Variants in ZNF395 observed in about 807,000 individuals in gnomAD.
ZNF395 encodes the protein zinc finger protein 395.
A neutral mutation model predicts 57.7 loss-of-function variants in ZNF395; 20 were observed. The observed-to-expected ratio is 0.35, with a 90% CI of 0.24 to 0.50. The LOEUF is 0.50. Ranked by LOEUF, ZNF395 falls within the 20% of genes least tolerant of loss-of-function variation. The pLI is 0.97. For synonymous variants in ZNF395, 295 were observed against 275.9 expected (o/e 1.07, Z -0.69); for missense variants, 606 against 671.2 (o/e 0.90, Z 1.07).
intron 1 of ZNF395, among the ~76,000 whole-genome samples, chr8:28,370,899 C>G (rs1298386839): frequency 6.6e-6 from 1 of 152,156 alleles, no homozygotes; most frequent in East Asian, 1.9e-4. Flanking sequence ...TAACAGGAAC[C>G]CTTATATGTA....
chr8:28,379,450 A>G (rs1453441383), intron 1 of ZNF395, among the ~76,000 whole-genome samples: 1 of 152,224 alleles, frequency 6.6e-6, no homozygotes, highest in African/African-American at 2.4e-5. Flanking sequence ...GGATCGCTTC[A>G]GCCCAGGAGT....
intron 1 of ZNF395, among the ~76,000 whole-genome samples, chr8:28,380,153 G>GT (rs562616691): frequency 5.3e-4 from 80 of 151,544 alleles, no homozygotes; most frequent in African/African-American, 1.9e-3. Context: ...TTTTACTAGA[G>GT]TTTAAAAAAA....
At chr8:28,371,756 C>T (rs1229324999) in intron 1 of ZNF395, among the ~76,000 whole-genome samples, 1 of 152,180 alleles carries the variant, frequency 6.6e-6, no homozygotes, top group Non-Finnish European at 1.5e-5. Context: ...CTGCCTTAAG[C>T]TCAGACTTCC....
At position 28,356,606 on chromosome 8, in the gene ZNF395, C is replaced by T; in HGVS notation, c.583+64G>A. ...GTGACATAGGCAACTAGCTGCTCTGCACAGAGGATGTTTGTCGTGGGCCTC... is the reference window on the plus strand; with the variant it reads ...GTGACATAGGCAACTAGCTGCTCTGTACAGAGGATGTTTGTCGTGGGCCTC... On this transcript the variant is annotated intron_variant, in intron 4 of 9. Transcript: ENST00000344423. This position sits in a 1 kb window ranked among gnomAD's most constrained non-coding sequence, Gnocchi z 4.0. 2 of 1,290,594 alleles carry T rather than the reference C, an allele frequency of 1.5e-6. No homozygotes were observed. The highest frequency in any genetic ancestry group is 2.2e-6 in the Non-Finnish European group (2 of 901,562). The allele number at this position is 1,290,594 out of a possible 1,614,324, so 79.9% of individuals were successfully genotyped here. A position where few individuals can be genotyped will look rare whatever the true frequency, so the allele number is the denominator to read the frequency against.
intron 1 of ZNF395, among the ~76,000 whole-genome samples, chr8:28,365,163 C>T (rs990730979): frequency 2.0e-5 from 3 of 152,220 alleles, no homozygotes; most frequent in African/African-American, 7.2e-5. Flanking sequence ...TCAGCACACT[C>T]ATGACATTTA....
intron 1 of ZNF395, among the ~76,000 whole-genome samples, chr8:28,364,877 C>G (rs1020826011): frequency 1.3e-5 from 2 of 152,194 alleles, no homozygotes; most frequent in South Asian, 4.1e-4. Context: ...GGCCTCTTAC[C>G]TACAGGATAA....
chr8:28,376,714 T>G (rs554274858), intron 1 of ZNF395, among the ~76,000 whole-genome samples: 1 of 152,094 alleles, frequency 6.6e-6, no homozygotes, highest in Non-Finnish European at 1.5e-5. Context: ...ACAAGCACAG[T>G]TGATGTGACA....
intron 1 of ZNF395, chr8:28,368,580 T>C (rs116974061): frequency 0.013 from 1,950 of 149,016 alleles, 12 homozygotes; most frequent in Non-Finnish European, 0.019. Flanking sequence ...GGAGGGTGAG[T>C]TGGGGGGATC....
At chr8:28,351,828 G>C in intron 6 of ZNF395, 21 bp from the exon 7 acceptor site, 1 of 1,526,492 alleles carries the variant, frequency 6.6e-7, no homozygotes, top group South Asian at 1.2e-5. Flanking sequence ...GGGAGATGCG[G>C]TATAATCAGG....
intron 1 of ZNF395, among the ~76,000 whole-genome samples, chr8:28,378,539 C>A (rs1023463261): frequency 2.6e-5 from 4 of 152,188 alleles, no homozygotes; most frequent in Non-Finnish European, 5.9e-5. Context: ...ATGCACCTCA[C>A]CTGTTTTTTG....
At chr8:28,366,098 GTTTAT>G (rs1239806372) in intron 1 of ZNF395, among the ~76,000 whole-genome samples, 2 of 152,180 alleles carry the variant, frequency 1.3e-5, no homozygotes, top group Non-Finnish European at 1.5e-5. Context: ...AACTCGTGGG[GTTTAT>G]TTTAACTTAA....
chr8:28,350,461 C>T (rs1215367849), intron 7 of ZNF395, among the ~76,000 whole-genome samples: 3 of 152,234 alleles, frequency 2.0e-5, no homozygotes, highest in Non-Finnish European at 2.9e-5. Flanking sequence ...GGATCACCTA[C>T]CAAGAACATG....
At chr8:28,384,697 T>A (rs1802150414) in intron 1 of ZNF395, among the ~76,000 whole-genome samples, 1 of 152,190 alleles carries the variant, frequency 6.6e-6, no homozygotes, top group Non-Finnish European at 1.5e-5. Flanking sequence ...ACGGGTGAGT[T>A]ACTCTCCACA....
rs1801726928 is a variant in ZNF395, at chr8:28,352,375, T to C, written c.920+198A>G. 6.6e-6 allele frequency among the ~76,000 whole-genome samples: 1 copy of C among 152,206 alleles called. No individual in the cohort carries two copies. The highest frequency in any genetic ancestry group is 1.5e-5 in the Non-Finnish European group (1 of 68,026). On this transcript the variant is annotated intron_variant, in intron 6 of 9. Transcript: ENST00000344423. This position sits in a 1 kb window ranked among gnomAD's most constrained non-coding sequence, Gnocchi z 4.0. ...GAGGCAAGAAGACACATCCCCAAGA[T>C]GGACAGAGCTCCCTTCCCATCAACA...
chr8:28,373,176 G>A (rs1585862690), intron 1 of ZNF395, among the ~76,000 whole-genome samples: 1 of 152,288 alleles, frequency 6.6e-6, no homozygotes, highest in Admixed American at 6.5e-5. Context: ...GTAAAATCGT[G>A]AAGGCTGCAA....
Position 28,351,505 on chromosome 8 carries a change from T to A in ZNF395, c.1223A>T (p.His408Leu). 6.2e-7 allele frequency: 1 copy of A among 1,603,328 alleles called. No individual in the cohort carries two copies. Among genetic ancestry groups the A allele is most frequent in the Non-Finnish European group, 8.5e-7 (1 of 1,171,944 alleles). ...AGCCCCGCCCCATACCTGGTATGCA[T>A]GATCTGCCTGAATGTGCCAGAAGGA... ...PGSFWHIQAD[H>L]AYQALPSFQI... is the part of the protein sequence containing the mutation. The change falls in exon 7 of 10, where the codon CAT becomes CTT. Residue 408 changes from histidine to leucine, a missense_variant. This residue lies in a region of ZNF395 where 261 missense variants were observed against 240.3 expected (regional missense o/e 1.09). Transcript: ENST00000344423.
chr8:28,360,183 T>C (rs1208541296), intron 2 of ZNF395, among the ~76,000 whole-genome samples: 1 of 152,238 alleles, frequency 6.6e-6, no homozygotes, highest in Non-Finnish European at 1.5e-5. Context: ...CTCATTATCC[T>C]GCACTCAAAG....
intron 1 of ZNF395, among the ~76,000 whole-genome samples, chr8:28,377,517 C>G (rs1389144928): frequency 1.3e-5 from 2 of 152,146 alleles, no homozygotes; most frequent in Non-Finnish European, 2.9e-5. Flanking sequence ...CCTGTATTCT[C>G]TTTATCGCTA....
At position 28,348,666 on chromosome 8, in the gene ZNF395, CTT is replaced by C. The variant is rs1801637997; in HGVS notation, c.*51_*52del. ...CTGAGGGCTGGTGACACACTGGCCT[CTT>C]GTCAGTGGCTGCCGGCAGGGCCAGG... is the stretch of plus-strand genomic sequence containing the variant. On this transcript the variant is annotated 3_prime_UTR_variant, in exon 10 of 10. Transcript: ENST00000344423. The C allele has an allele frequency of 1.3e-6, 2 of 1,540,390 alleles. No homozygotes were observed. Among genetic ancestry groups the C allele is most frequent in the Non-Finnish European group, 1.8e-6 (2 of 1,113,246 alleles).
Sources: allele counts gnomAD v4.1 joint callset (sites outside exome capture counted in the v4.1 genomes callset), GRCh38; gene constraint gnomAD v4.1.1; regional missense constraint gnomAD v4.1.1; non-coding constraint Gnocchi (gnomAD v3.1); transcripts MANE v1.5; gene names NCBI Gene and HGNC (gene_info 2026-07-23, HGNC 2026-07-21).